The following CDH8 variants were observed in gnomAD, a reference collection of about 807,000 sequenced individuals.
CDH8 encodes the protein cadherin-8.
CDH8 carries 17 observed loss-of-function variants against 68.1 expected under a neutral mutation model. The ratio of observed to expected loss-of-function variants is 0.25; its 90% CI spans 0.17 to 0.37. The LOEUF (loss-of-function observed/expected upper bound fraction) is 0.37, where lower values mean the gene tolerates loss of function less well. Among genes scored for constraint, CDH8 ranks in the 10% least tolerant of loss-of-function variants. CDH8 has a pLI of 1.00. For synonymous variants in CDH8, 372 were observed against 365.1 expected (o/e 1.02, Z -0.21); for missense variants, 763 against 999.3 (o/e 0.76, Z 3.19).
intron 4 of CDH8, among the ~76,000 whole-genome samples, chr16:61,850,490 G>A (rs1183267599): frequency 2.0e-5 from 3 of 152,050 alleles, no homozygotes; most frequent in African/African-American, 7.2e-5. Flanking sequence ...CACAAGAAGT[G>A]AAAGCACACA....
intron 8 of CDH8, among the ~76,000 whole-genome samples, chr16:61,770,271 A>G (rs1960744711): frequency 6.6e-6 from 1 of 151,908 alleles, no homozygotes; most frequent in African/African-American, 2.4e-5. Context: ...TTATTGTCAC[A>G]TGCAGATATC....
At chr16:62,010,347 T>C (rs566476770) in intron 2 of CDH8, among the ~76,000 whole-genome samples, 4 of 152,278 alleles carry the variant, frequency 2.6e-5, no homozygotes, top group Admixed American at 6.5e-5. Flanking sequence ...ACTGTGCACC[T>C]ACCACATAAG....
chr16:61,695,026 G>A (rs749942394), intron 10 of CDH8, among the ~76,000 whole-genome samples: 7 of 152,106 alleles, frequency 4.6e-5, no homozygotes, highest in Admixed American at 1.3e-4. Context: ...GTGATCCCCC[G>A]CCTCAGCCCC....
At chr16:61,881,251 A>G (rs1338662725) in intron 3 of CDH8, among the ~76,000 whole-genome samples, 1 of 152,184 alleles carries the variant, frequency 6.6e-6, no homozygotes, top group Non-Finnish European at 1.5e-5. Flanking sequence ...CAACTGATAT[A>G]TTCAGTTTTA....
chr16:61,713,670 A>G (rs1272878883), intron 10 of CDH8, among the ~76,000 whole-genome samples, 171 bp downstream of exon 10: 1 of 151,628 alleles, frequency 6.6e-6, no homozygotes, highest in Non-Finnish European at 1.5e-5. Context: ...TTGCTTAAAT[A>G]TTGAAAATAG....
chr16:61,816,323 T>C (rs1028344857), intron 7 of CDH8, among the ~76,000 whole-genome samples: 1 of 152,192 alleles, frequency 6.6e-6, no homozygotes, highest in African/African-American at 2.4e-5. Context: ...CTCAGCCTCA[T>C]AGTCTCAGCA....
intron 2 of CDH8, among the ~76,000 whole-genome samples, chr16:61,949,017 A>C (rs1239369372): frequency 1.3e-5 from 2 of 152,228 alleles, no homozygotes; most frequent in Non-Finnish European, 2.9e-5. Context: ...AATTGGAGAT[A>C]CACAGTAGAG....
chr16:61,787,865 C>G (rs976380334), intron 8 of CDH8, among the ~76,000 whole-genome samples: 57 of 133,906 alleles, frequency 4.3e-4, no homozygotes, highest in Non-Finnish European at 7.6e-4. Context: ...ACGGCATATT[C>G]TCACTCATAG....
rs138548161 is a variant in CDH8, at chr16:61,826,107, C to T, written c.668-928G>A. ...ATTATAAGGCCATGATATGTACATA[C>T]CCAGAAATGTGAGTATAAACATTTA... On this transcript the variant is annotated intron_variant, in intron 4 of 11. Transcript: ENST00000577390. 2.0e-5 allele frequency among the ~76,000 whole-genome samples: 3 copies of T among 150,972 alleles called. No individual in the cohort carries two copies. The East Asian group carries it at 5.9e-4, about 30-fold the overall frequency.
chr16:61,884,646 T>C (rs1597041036), intron 3 of CDH8, among the ~76,000 whole-genome samples: 2 of 152,290 alleles, frequency 1.3e-5, no homozygotes, highest in East Asian at 3.9e-4. Context: ...AGTGCTGGGA[T>C]TACAGGCGTG....
chr16:61,795,603 C>G (rs1261382946), intron 7 of CDH8, among the ~76,000 whole-genome samples: 1 of 152,104 alleles, frequency 6.6e-6, no homozygotes, highest in African/African-American at 2.4e-5. Flanking sequence ...GCCAATTCCT[C>G]AATCTGTAAG....
At chr16:61,987,093 TC>T (rs1965642549) in intron 2 of CDH8, among the ~76,000 whole-genome samples, 1 of 152,244 alleles carries the variant, frequency 6.6e-6, no homozygotes, top group Non-Finnish European at 1.5e-5. Context: ...ATTGAATTAA[TC>T]TACTCTCCGA....
At chr16:62,033,126 C>G (rs1039348320) in intron 1 of CDH8, among the ~76,000 whole-genome samples, 1 of 152,198 alleles carries the variant, frequency 6.6e-6, no homozygotes, top group Non-Finnish European at 1.5e-5. Flanking sequence ...TCACATCAGT[C>G]TTTACAAATG....
At chr16:62,013,657 A>AT (rs1389195196) in intron 2 of CDH8, among the ~76,000 whole-genome samples, 1 of 152,086 alleles carries the variant, frequency 6.6e-6, no homozygotes, top group Non-Finnish European at 1.5e-5. Flanking sequence ...ATAAATCTTA[A>AT]TTTTTTAATG....
intron 1 of CDH8, among the ~76,000 whole-genome samples, chr16:62,029,147 T>G (rs1190592431): frequency 6.6e-6 from 1 of 152,214 alleles, no homozygotes; most frequent in African/African-American, 2.4e-5. Flanking sequence ...CTGTGTTTAA[T>G]ACTACCTACT....
At chr16:61,914,226 A>C (rs1964202814) in intron 2 of CDH8, among the ~76,000 whole-genome samples, 2 of 152,154 alleles carry the variant, frequency 1.3e-5, no homozygotes, top group African/African-American at 4.8e-5. Context: ...CGAGAAAATA[A>C]ATTTCTGTTG....
chr16:61,855,217 T>C (rs1963020029), intron 4 of CDH8, among the ~76,000 whole-genome samples: 1 of 152,078 alleles, frequency 6.6e-6, no homozygotes, highest in Non-Finnish European at 1.5e-5. Context: ...CTAAAATGAG[T>C]TTGTGTTGAT....
intron 2 of CDH8, among the ~76,000 whole-genome samples, chr16:61,911,681 T>C (rs1316147716): frequency 6.6e-5 from 10 of 151,002 alleles, no homozygotes; most frequent in African/African-American, 1.9e-4. Context: ...AATAGAGATA[T>C]AGATATGTGT....
At chr16:61,679,613 GTTTA>G (rs1963976000) in intron 10 of CDH8, among the ~76,000 whole-genome samples, 1 of 151,896 alleles carries the variant, frequency 6.6e-6, no homozygotes, top group Non-Finnish European at 1.5e-5. Flanking sequence ...AATGATCAAT[GTTTA>G]TTTAAAAAAT....
Sources: allele counts gnomAD v4.1 joint callset (sites outside exome capture counted in the v4.1 genomes callset), GRCh38; gene constraint gnomAD v4.1.1; transcripts MANE v1.5; gene names NCBI Gene and HGNC (gene_info 2026-07-23, HGNC 2026-07-21).